The following GALNTL6 variants were observed in gnomAD, a reference collection of about 807,000 sequenced individuals.
GALNTL6 encodes polypeptide N-acetylgalactosaminyltransferase-like 6.
GALNTL6 carries 46 observed loss-of-function variants against 73.7 expected under a neutral mutation model. That is an observed-to-expected ratio of 0.62 (90% CI 0.49 to 0.80). The LOEUF is 0.80. Among genes scored for constraint, GALNTL6 ranks in the 30% least tolerant of loss-of-function variants. GALNTL6 has a pLI of 0.00. For missense variants in GALNTL6, 604 were observed against 755.0 expected (o/e 0.80, Z 2.34); for synonymous variants, 259 against 263.7 (o/e 0.98, Z 0.17).
chr4:172,175,080 T>TG (rs1491181941), intron 2 of GALNTL6, among the ~76,000 whole-genome samples: 2 of 49,602 alleles, frequency 4.0e-5, no homozygotes, highest in Non-Finnish European at 8.4e-5. Context: ...CAAACAAGAA[T>TG]TTTTTTTTTT....
intron 3 of GALNTL6, among the ~76,000 whole-genome samples, chr4:172,299,612 C>A (rs1359171057): frequency 6.6e-6 from 1 of 152,200 alleles, no homozygotes; most frequent in Non-Finnish European, 1.5e-5. Context: ...TTTCTGCCTT[C>A]ATTTCGTTAT....
At chr4:172,042,914 A>G (rs1019723283) in intron 2 of GALNTL6, among the ~76,000 whole-genome samples, 6 of 151,278 alleles carry the variant, frequency 4.0e-5, no homozygotes, top group African/African-American at 1.5e-4. Context: ...GATGCATAAA[A>G]CTATTCAATG....
Position 172,069,583 on chromosome 4 carries a change from TTA to T in GALNTL6, c.139-160064_139-160063del, listed in dbSNP as rs1491026987. Among the ~76,000 whole-genome samples the T allele has an allele frequency of 5.8e-5, 3 of 51,996 alleles. 1 individual carries two copies. Among genetic ancestry groups the T allele is most frequent in the Admixed American group, 2.7e-4 (1 of 3,708 alleles). The allele number at this position is 51,996 out of a possible 152,430, so 34.1% of individuals were successfully genotyped here. ...ATATATAACACATATATGTTATATATTATATATATAACACATATATGTTATAT... is the reference window on the plus strand; with the variant it reads ...ATATATAACACATATATGTTATATATTATATATAACACATATATGTTATAT... On this transcript the variant is annotated intron_variant, in intron 2 of 12. Transcript: ENST00000506823.
Position 173,021,531 on chromosome 4 carries a change from G to A in GALNTL6, c.1544G>A (p.Arg515Gln), listed in dbSNP as rs1390582620. 6 of 1,614,046 alleles carry A rather than the reference G, an allele frequency of 3.7e-6. No homozygotes were observed. Among genetic ancestry groups the A allele is most frequent in the South Asian group, 3.3e-5 (3 of 91,066 alleles). The stretch of plus-strand genomic sequence containing the variant: ...CGACCCGGTGAGCCACTGCATACCC[G>A]GAAATTCTGCTTTGATGCGATCTCA... Reference protein sequence around the residue: ...DIRPGEPLHTRKFCFDAISHN... With the variant: ...DIRPGEPLHTQKFCFDAISHN... Residue 515 changes from arginine to glutamine, a missense_variant, in exon 12 of 13, where the codon CGG becomes CAG. Around this residue, in one of 5 missense-constraint regions of GALNTL6, gnomAD observed 261 missense variants for 296.5 expected, o/e 0.88. Transcript: ENST00000506823.
intron 5 of GALNTL6, among the ~76,000 whole-genome samples, chr4:172,783,692 G>C (rs1197919025): frequency 3.3e-5 from 5 of 151,832 alleles, no homozygotes; most frequent in African/African-American, 1.2e-4. Context: ...TCCTTCTGGA[G>C]GATGCCCACA....
At chr4:172,704,142 C>A (rs1037296315) in intron 5 of GALNTL6, among the ~76,000 whole-genome samples, 6 of 151,894 alleles carry the variant, frequency 4.0e-5, no homozygotes, top group Non-Finnish European at 5.9e-5. Flanking sequence ...TTTTAAAAAA[C>A]CAACTTTTTA....
intron 2 of GALNTL6, among the ~76,000 whole-genome samples, chr4:171,993,939 G>A (rs1038149649): frequency 4.6e-5 from 7 of 151,832 alleles, no homozygotes; most frequent in South Asian, 2.1e-4. Flanking sequence ...ATTGTATAAC[G>A]TAAGTGCTGG....
intron 2 of GALNTL6, among the ~76,000 whole-genome samples, chr4:172,132,680 A>G (rs1262027627): frequency 6.6e-6 from 1 of 152,160 alleles, no homozygotes; most frequent in Non-Finnish European, 1.5e-5. Flanking sequence ...TTTACTAGAT[A>G]TAAGCCATAT....
chr4:171,847,063 G>A (rs1163066672), intron 2 of GALNTL6, among the ~76,000 whole-genome samples: 1 of 150,532 alleles, frequency 6.6e-6, no homozygotes, highest in Non-Finnish European at 1.5e-5. Context: ...TTTCCCCTAC[G>A]AGCAATGGTC....
rs138394740 is a variant in GALNTL6 at position 172,715,980 on chromosome 4, T to C, written c.554-93381T>C. Among the ~76,000 whole-genome samples the C allele has an allele frequency of 3.4e-3, 516 of 152,310 alleles. 3 individuals carry two copies. The highest frequency in any genetic ancestry group is 0.017 in the Middle Eastern group (5 of 294). ...TTAGTAATTTATCTATAGACTGGCGTTCAGATGCTGTGAATGGTAATGAGA... is the reference window on the plus strand; with the variant it reads ...TTAGTAATTTATCTATAGACTGGCGCTCAGATGCTGTGAATGGTAATGAGA... On this transcript the variant is annotated intron_variant, in intron 5 of 12. Transcript: ENST00000506823.
chr4:172,337,362 T>G (rs1346452287), intron 4 of GALNTL6, among the ~76,000 whole-genome samples: 1 of 152,214 alleles, frequency 6.6e-6, no homozygotes, highest in Non-Finnish European at 1.5e-5. Flanking sequence ...ACTGTGTAGT[T>G]GCTTCATAGA....
At chr4:172,567,704 C>G (rs757329153) in intron 5 of GALNTL6, among the ~76,000 whole-genome samples, 48 of 152,072 alleles carry the variant, frequency 3.2e-4, no homozygotes, top group Non-Finnish European at 5.4e-4. Context: ...GGCATGGTAG[C>G]AGGTGCCTGT....
At chr4:172,273,100 T>C (rs1738711419) in intron 3 of GALNTL6, among the ~76,000 whole-genome samples, 2 of 152,184 alleles carry the variant, frequency 1.3e-5, no homozygotes, top group African/African-American at 4.8e-5. Context: ...CTAATGTTCC[T>C]TATCCTCAAA....
At chr4:172,807,893 G>GTGGT (rs1741060464) in intron 5 of GALNTL6, among the ~76,000 whole-genome samples, 1 of 152,168 alleles carries the variant, frequency 6.6e-6, no homozygotes, top group African/African-American at 2.4e-5. Flanking sequence ...TGCGATCTCA[G>GTGGT]CTCACTGCAA....
chr4:171,905,226 C>T (rs1737238128), intron 2 of GALNTL6, among the ~76,000 whole-genome samples: 1 of 151,560 alleles, frequency 6.6e-6, no homozygotes, highest in Non-Finnish European at 1.5e-5. Context: ...CAAGACCCAT[C>T]AGTGTGCTGT....
chr4:172,366,079 C>A (rs1344921340), intron 5 of GALNTL6, among the ~76,000 whole-genome samples: 1 of 152,028 alleles, frequency 6.6e-6, no homozygotes, highest in Non-Finnish European at 1.5e-5. Context: ...GTTCTTTTTC[C>A]TCACTTTTTC....
chr4:172,417,294 G>A (rs1489319827), intron 5 of GALNTL6, among the ~76,000 whole-genome samples: 1 of 151,966 alleles, frequency 6.6e-6, no homozygotes, highest in African/African-American at 2.4e-5. Flanking sequence ...AAAGCAATCT[G>A]TGGCCCTCAT....
rs557952716 is a variant in GALNTL6, at chr4:172,300,730, G to T, written c.248-10884G>T. 6.2e-4 allele frequency among the ~76,000 whole-genome samples: 94 copies of T among 152,218 alleles called. 2 individuals carry two copies. In the South Asian group the frequency reaches 7.5e-3, roughly 12 times the overall value. On this transcript the variant is annotated intron_variant, in intron 3 of 12. Coordinates refer to ENST00000506823, the MANE Select transcript of GALNTL6 (RefSeq NM_001034845.3). ...TCTTCTGGCTTGTAGAGTTTCTGCC[G>T]AGATATCAGCTGTTAGTCTGATGGG...
At chr4:171,933,576 A>G (rs1208381322) in intron 2 of GALNTL6, among the ~76,000 whole-genome samples, 3 of 152,104 alleles carry the variant, frequency 2.0e-5, no homozygotes, top group Non-Finnish European at 4.4e-5. Context: ...TATATAGTTT[A>G]TTAGGGATTT....
Sources: allele counts gnomAD v4.1 joint callset (sites outside exome capture counted in the v4.1 genomes callset), GRCh38; gene constraint gnomAD v4.1.1; regional missense constraint gnomAD v4.1.1; transcripts MANE v1.5; gene names NCBI Gene and HGNC (gene_info 2026-07-23, HGNC 2026-07-21).